Variants in MICAL1 observed in about 807,000 individuals in gnomAD.
The protein encoded by MICAL1 is [F-actin]-monooxygenase MICAL1.
A neutral mutation model predicts 131.8 loss-of-function variants in MICAL1; 95 were observed. That is an observed-to-expected ratio of 0.72 (90% CI 0.61 to 0.86). The LOEUF (loss-of-function observed/expected upper bound fraction) is 0.86, where lower values mean the gene tolerates loss of function less well. Among genes scored for constraint, MICAL1 ranks in the 40% least tolerant of loss-of-function variants. MICAL1 has a pLI of 0.00. For synonymous variants in MICAL1, 546 were observed against 554.2 expected, an observed-to-expected ratio of 0.99 and a Z score of 0.21; for missense variants, 1,292 against 1,380.6, an observed-to-expected ratio of 0.94 and a Z score of 1.02.
At chr6:109,447,596 C>T (rs774278778) in intron 15 of MICAL1, 85 bp downstream of exon 15, 9 of 1,599,896 alleles carry the variant, frequency 5.6e-6, no homozygotes, top group Non-Finnish European at 2.6e-6. Context: ...GGGAACAAGA[C>T]ATGGGATGAG....
chr6:109,458,632 T>C (rs1775814972), upstream of MICAL1, among the ~76,000 whole-genome samples: 1 of 152,170 alleles, frequency 6.6e-6, no homozygotes, highest in Non-Finnish European at 1.5e-5. Context: ...CTAATGTTTT[T>C]GCAAACGGTA....
chr6:109,465,812 TAAG>T (rs1256674227), exon 1 of MICAL1: 3 of 1,614,136 alleles, frequency 1.9e-6, no homozygotes, highest in African/African-American at 2.7e-5. Flanking sequence ...AGCTGGCTTA[TAAG>T]AAGAGCCCAA....
At chr6:109,447,024 A>T in intron 17 of MICAL1, 49 bp downstream of exon 17, 3 of 1,596,560 alleles carry the variant, frequency 1.9e-6, no homozygotes, top group Non-Finnish European at 2.6e-6. Context: ...GTGTCCCCCA[A>T]GCAGGGCCAG....
intron 11 of MICAL1, 78 bp from the exon 12 acceptor site, chr6:109,448,957 G>T: frequency 6.4e-7 from 1 of 1,570,744 alleles, no homozygotes; most frequent in Non-Finnish European, 8.6e-7. Context: ...TGCTGCATGT[G>T]GGGGTTCTGT....
rs1397319255 is a variant in MICAL1 at position 109,454,271 on chromosome 6, T to C, written c.-43-32A>G. ...AGGTGGAAAAAGAAGGGGAAGAGGC[T>C]GGAGAACAGAAGAAATAAAAAGGAA... On this transcript the variant is annotated intron_variant, in intron 1 of 24. Transcript: ENST00000358807. The C allele has an allele frequency of 4.0e-6, 6 of 1,517,162 alleles. No homozygotes were observed. In the Admixed American group the frequency reaches 8.3e-5, roughly 21 times the overall value. The allele number at this position is 1,517,162 out of a possible 1,614,324, so 94.0% of individuals were successfully genotyped here. A position where few individuals can be genotyped will look rare whatever the true frequency, so the allele number is the denominator to read the frequency against.
Position 109,444,088 on chromosome 6 carries a change from A to G in MICAL1, c.*103T>C. Reference sequence around the variant, plus strand: ...TTGTGGCAGAAACATTTTAATTGTAAACAGCAAGGCTCTCTGCCAGGCAGC... The same window carrying G: ...TTGTGGCAGAAACATTTTAATTGTAGACAGCAAGGCTCTCTGCCAGGCAGC... On this transcript the variant is annotated 3_prime_UTR_variant, in exon 25 of 25. Transcript: ENST00000358807. The G allele has an allele frequency of 6.6e-7, 1 of 1,509,802 alleles. No homozygotes were observed. The highest frequency in any genetic ancestry group is 2.3e-5 in the East Asian group (1 of 44,168). The allele number at this position is 1,509,802 out of a possible 1,614,324, so 93.5% of individuals were successfully genotyped here. A position where few individuals can be genotyped will look rare whatever the true frequency, so the allele number is the denominator to read the frequency against.
rs770312041 is a variant in MICAL1, at chr6:109,446,697, G to A, written c.2303C>T (p.Pro768Leu). The change falls in exon 18 of 25, where the codon CCG becomes CTG. Residue 768 changes from proline (P) to leucine (L), a missense_variant and splice_region_variant. Pro to Leu is a moderately conservative substitution (Grantham distance 98). Transcript: ENST00000358807. The stretch of plus-strand genomic sequence containing the variant: ...TACATACACGCCTTCAGTCTTTACC[G>A]GACTCTCAGGGCCTCTATCGCTGCC... ...AEGSDRGPES[P>L]ELPTPSENSM... 2.5e-5 allele frequency: 40 copies of A among 1,613,224 alleles called. No individual in the cohort carries two copies. Among genetic ancestry groups the A allele is most frequent in the African/African-American group, 2.7e-5 (2 of 74,842 alleles).
At position 109,444,637 on chromosome 6, in the gene MICAL1, C is replaced by T. The variant is rs183700603; in HGVS notation, c.3055+88G>A. On this transcript the variant is annotated intron_variant, in intron 24 of 24. Coordinates refer to ENST00000358807, the MANE Select transcript of MICAL1 (RefSeq NM_022765.4). The stretch of plus-strand genomic sequence containing the variant: ...TGTCTCAGAGGTACACAGACTAGAG[C>T]ATCATGTTGCTTGGTCAGTATCTGA... 40 of 1,454,872 alleles carry T rather than the reference C, an allele frequency of 2.7e-5. No individual in the cohort carries two copies. The African/African-American group carries it at 4.9e-4, about 18-fold the overall frequency. The allele number at this position is 1,454,872 out of a possible 1,614,324, so 90.1% of individuals were successfully genotyped here. A position where few individuals can be genotyped will look rare whatever the true frequency, so the allele number is the denominator to read the frequency against.
upstream of MICAL1, among the ~76,000 whole-genome samples, chr6:109,458,993 T>C (rs1185402813): frequency 6.6e-6 from 1 of 152,084 alleles, no homozygotes. Flanking sequence ...TGAGTACTCA[T>C]GAATCAGAGT....
chr6:109,455,889 C>G (rs1172955155), upstream of MICAL1: 1 of 985,394 alleles, frequency 1.0e-6, no homozygotes, highest in African/African-American at 1.7e-5. This position sits in a 1 kb window ranked among gnomAD's most constrained non-coding sequence, Gnocchi z 4.7. Context: ...TGTGGGCTTC[C>G]GCGAGGGGCG....
chr6:109,446,623 G>C (rs1050426261), intron 18 of MICAL1, 73 bp downstream of exon 18: 2 of 1,515,640 alleles, frequency 1.3e-6, no homozygotes, highest in African/African-American at 2.8e-5. Flanking sequence ...GTTACCCCCA[G>C]CAAAGCGCTG....
At chr6:109,458,019 C>T (rs538844136), upstream of MICAL1, among the ~76,000 whole-genome samples, 5 of 152,080 alleles carry the variant, frequency 3.3e-5, no homozygotes, top group Middle Eastern at 3.2e-3. Context: ...AATTACTCAG[C>T]CTTCTCAGCC....
At chr6:109,450,269 ATGAAACCCC>A in intron 8 of MICAL1, 22 bp downstream of exon 8, 2 of 1,591,338 alleles carry the variant, frequency 1.3e-6, no homozygotes. Context: ...TCCCCTAACC[ATGAAACCCC>A]TGTGCCTCCT....
chr6:109,450,181 C>T lies in MICAL1; in HGVS notation c.1192-96G>A. The T allele has an allele frequency of 2.6e-6, 4 of 1,561,146 alleles. No individual in the cohort carries two copies. The South Asian group carries it at 4.8e-5, about 19-fold the overall frequency. On this transcript the variant is annotated intron_variant, in intron 8 of 24. Transcript: ENST00000358807. ...CCCAGGTCACAGCAGAAGGGGCCAT[C>T]CCCACACCAGGCAGCCCTTAGCTCC...
At chr6:109,444,507 C>T (rs1004259531) in intron 24 of MICAL1, among the ~76,000 whole-genome samples, 168 bp from the exon 25 acceptor site, 2 of 152,154 alleles carry the variant, frequency 1.3e-5, no homozygotes, top group East Asian at 1.9e-4. Flanking sequence ...CTGAGCAGCA[C>T]GATTTTTTTT....
chr6:109,444,831 G>T, intron 23 of MICAL1, 33 bp from the exon 24 acceptor site: 1 of 1,614,152 alleles, frequency 6.2e-7, no homozygotes. Flanking sequence ...AAGCAGAGCT[G>T]TCTAAGGTGC....
rs769177141 is a variant in MICAL1 at position 109,452,390 on chromosome 6, G to C, written c.688C>G (p.Arg230Gly). The C allele has an allele frequency of 6.2e-7, 1 of 1,614,022 alleles. No individual in the cohort carries two copies. The highest frequency in any genetic ancestry group is 1.1e-5 in the South Asian group (1 of 91,062). The change falls in exon 6 of 25, where the codon CGA (arginine) becomes GGA (glycine). Residue 230 changes from arginine (R) to glycine (G), a missense_variant. Arg to Gly is a moderately radical substitution (Grantham distance 125). Transcript: ENST00000358807. The stretch of plus-strand genomic sequence containing the variant: ...ATGGCCAGTTTGCCTCGCATTTCTC[G>C]AACTTTGAAGCCTAGAGGTGGCGGT... ...GKFVPEGFKV[R>G]EMRGKLAIGI...
chr6:109,451,536 C>T (rs1213042828), intron 7 of MICAL1, 64 bp downstream of exon 7: 1 of 1,596,720 alleles, frequency 6.3e-7, no homozygotes, highest in African/African-American at 1.3e-5. Context: ...CGACTATGTC[C>T]AAGCCTAGCC....
intron 1 of MICAL1, chr6:109,462,585 A>C (rs909230353): frequency 5.3e-5 from 8 of 152,262 alleles, no homozygotes; most frequent in African/African-American, 1.9e-4. Flanking sequence ...AGCATTTATA[A>C]TGAGAATCTT....
Sources: allele counts gnomAD v4.1 joint callset (sites outside exome capture counted in the v4.1 genomes callset), GRCh38; gene constraint gnomAD v4.1.1; non-coding constraint Gnocchi (gnomAD v3.1); transcripts MANE v1.5; gene names NCBI Gene and HGNC (gene_info 2026-07-23, HGNC 2026-07-21).